Variants in WDR70 observed in about 807,000 individuals in gnomAD.
The protein encoded by WDR70 is WD repeat-containing protein 70.
Under a neutral mutation model 88.6 loss-of-function variants are expected in WDR70, and 53 were observed. That is an observed-to-expected ratio of 0.60 (90% CI 0.48 to 0.75). The LOEUF is 0.75. Ranked by LOEUF, WDR70 falls within the 30% of genes least tolerant of loss-of-function variation. The probability of loss-of-function intolerance (pLI) is 0.00; values close to 1 mark genes in which losing one functional copy is unlikely to be tolerated. For synonymous variants in WDR70, 280 were observed against 270.0 expected (o/e 1.04, Z -0.36); for missense variants, 610 against 823.2 (o/e 0.74, Z 3.17).
intron 5 of WDR70, among the ~76,000 whole-genome samples, chr5:37,432,499 C>T (rs1056142548): frequency 3.3e-5 from 5 of 152,146 alleles, no homozygotes; most frequent in African/African-American, 1.2e-4. Context: ...AGCGATTCTC[C>T]TGCCTCAGCC....
chr5:37,563,242 A>G lies in WDR70; in HGVS notation c.918-41822A>G, dbSNP rs1448546260. Reference sequence around the variant, plus strand: ...GCAGAGGGGCTCCTCACTTCCCAGTAGGGGCGGCCAGGCAGAGGCGCCCCT... The same window carrying G: ...GCAGAGGGGCTCCTCACTTCCCAGTGGGGGCGGCCAGGCAGAGGCGCCCCT... On this transcript the variant is annotated intron_variant, in intron 9 of 17. Transcript: ENST00000265107. 8.0e-4 allele frequency among the ~76,000 whole-genome samples: 50 copies of G among 62,410 alleles called. 19 individuals are homozygous for G. The Admixed American group carries it at 8.7e-3, about 11-fold the overall frequency. The allele number at this position is 62,410 out of a possible 152,430, so 40.9% of individuals were successfully genotyped here.
intron 8 of WDR70, among the ~76,000 whole-genome samples, chr5:37,502,205 T>C (rs1740424857): frequency 2.0e-5 from 3 of 152,186 alleles, no homozygotes; most frequent in Non-Finnish European, 4.4e-5. Context: ...GCGGCTATTG[T>C]AAAAGGGATT....
At chr5:37,590,716 C>G (rs1743507593) in intron 9 of WDR70, among the ~76,000 whole-genome samples, 2 of 152,034 alleles carry the variant, frequency 1.3e-5, no homozygotes, top group Non-Finnish European at 2.9e-5. Flanking sequence ...AGGAATGGTG[C>G]CAGCCACTAG....
At chr5:37,659,669 CA>C (rs1745651459) in intron 10 of WDR70, among the ~76,000 whole-genome samples, 1 of 152,154 alleles carries the variant, frequency 6.6e-6, no homozygotes. Context: ...CAGGTGCCCC[CA>C]GATTTGGTTC....
chr5:37,548,804 TG>T (rs1350243750), intron 9 of WDR70, among the ~76,000 whole-genome samples: 1 of 152,224 alleles, frequency 6.6e-6, no homozygotes, highest in East Asian at 1.9e-4. Flanking sequence ...TAATCCATTT[TG>T]ATTTGATTCT....
intron 9 of WDR70, among the ~76,000 whole-genome samples, chr5:37,558,640 A>G (rs1244151353): frequency 6.6e-6 from 1 of 152,058 alleles, no homozygotes; most frequent in Non-Finnish European, 1.5e-5. Flanking sequence ...TTGATTCTTT[A>G]AAACAATTTT....
At chr5:37,741,236 CTTTT>C (rs5867363) in intron 17 of WDR70, among the ~76,000 whole-genome samples, 9,976 of 138,420 alleles carry the variant, frequency 0.072, 400 homozygotes, top group Middle Eastern at 0.12. Flanking sequence ...GAGCCTAGTT[CTTTT>C]TTTTTTTTTT....
At chr5:37,546,804 G>A (rs931550271) in intron 9 of WDR70, among the ~76,000 whole-genome samples, 9 of 152,158 alleles carry the variant, frequency 5.9e-5, no homozygotes, top group South Asian at 2.1e-4. Context: ...TGTAGTCTCA[G>A]TTCCTCAGGA....
rs573377089 is a variant in WDR70 at position 37,509,342 on chromosome 5, T to C, written c.841-7172T>C. Among the ~76,000 whole-genome samples the C allele has an allele frequency of 6.6e-5, 10 of 152,220 alleles. No homozygotes were observed. The South Asian group carries it at 2.1e-3, about 32-fold the overall frequency. On this transcript the variant is annotated intron_variant, in intron 8 of 17. Transcript: ENST00000265107. ...CACTTGGGATTACCTTTTTGACCCA[T>C]GGGTTATTAGTGTGGTGTTTAAATA...
At chr5:37,632,756 CTT>C (rs1292240697) in intron 10 of WDR70, among the ~76,000 whole-genome samples, 1 of 152,114 alleles carries the variant, frequency 6.6e-6, no homozygotes, top group African/African-American at 2.4e-5. Context: ...AAGAAAAACA[CTT>C]TTAATAATTT....
chr5:37,425,025 C>T (rs1387682275), intron 5 of WDR70, among the ~76,000 whole-genome samples: 1 of 152,196 alleles, frequency 6.6e-6, no homozygotes, highest in Non-Finnish European at 1.5e-5. Flanking sequence ...GGGTGGGGCT[C>T]ACTTGAGCCC....
At chr5:37,408,762 TTG>T (rs778618564) in intron 5 of WDR70, among the ~76,000 whole-genome samples, 24 of 151,818 alleles carry the variant, frequency 1.6e-4, no homozygotes, top group Non-Finnish European at 2.2e-4. Context: ...TTCTTTAATA[TTG>T]TGTGTGTGTG....
rs1743467224 is a variant in WDR70 at position 37,589,535 on chromosome 5, C to T, written c.918-15529C>T. Reference sequence around the variant, plus strand: ...CTCCATGAAATGTAGCATTCTTTCCCTTCTTAATCAGCTACCAAACTGATT... The same window carrying T: ...CTCCATGAAATGTAGCATTCTTTCCTTTCTTAATCAGCTACCAAACTGATT... On this transcript the variant is annotated intron_variant, in intron 9 of 17. Transcript: ENST00000265107. Among the ~76,000 whole-genome samples, 6 of 152,020 alleles carry T rather than the reference C, an allele frequency of 3.9e-5. 1 individual carries two copies. In the South Asian group the frequency reaches 1.2e-3, roughly 32 times the overall value.
At chr5:37,479,714 T>A (rs1739599910) in intron 7 of WDR70, 120 bp from the exon 8 acceptor site, 1 of 1,203,998 alleles carries the variant, frequency 8.3e-7, no homozygotes, top group South Asian at 1.5e-5. Flanking sequence ...TGTTCCTGAT[T>A]TTGTGGAATT....
chr5:37,485,368 T>A (rs144822525), intron 8 of WDR70, among the ~76,000 whole-genome samples: 92 of 152,304 alleles, frequency 6.0e-4, no homozygotes, highest in Non-Finnish European at 9.8e-4. Flanking sequence ...GTCAAAGAAT[T>A]TCAGTTTGAA....
chr5:37,518,994 C>T (rs375524598), intron 9 of WDR70, among the ~76,000 whole-genome samples: 5 of 152,110 alleles, frequency 3.3e-5, no homozygotes, highest in South Asian at 2.1e-4. Flanking sequence ...TCAGAGAGCA[C>T]GGGGTTGGGG....
chr5:37,439,520 T>TA (rs1168529766), intron 6 of WDR70, among the ~76,000 whole-genome samples: 3 of 152,014 alleles, frequency 2.0e-5, no homozygotes, highest in Non-Finnish European at 1.5e-5. Flanking sequence ...CCTTTTTTCG[T>TA]AAATCAAGTT....
intron 10 of WDR70, among the ~76,000 whole-genome samples, chr5:37,615,576 G>A (rs939244439): frequency 6.6e-6 from 1 of 152,046 alleles, no homozygotes; most frequent in African/African-American, 2.4e-5. Context: ...TTTTAAGTTC[G>A]GTAATCATTA....
chr5:37,462,161 T>C (rs1391494150), intron 7 of WDR70, among the ~76,000 whole-genome samples: 1 of 152,160 alleles, frequency 6.6e-6, no homozygotes, highest in East Asian at 1.9e-4. Context: ...TCTTTTTCCT[T>C]AGAAGTCTTA....
Sources: gnomAD v4.1 joint callset for allele counts (sites outside exome capture counted in the v4.1 genomes callset) on GRCh38, gnomAD v4.1.1 for gene constraint, MANE v1.5 for transcripts, NCBI Gene and HGNC (gene_info 2026-07-23, HGNC 2026-07-21) for gene names.